The following RASIP1 variants were observed in gnomAD, a reference collection of about 807,000 sequenced individuals.
RASIP1 encodes ras-interacting protein 1.
A neutral mutation model predicts 85.3 loss-of-function variants in RASIP1; 20 were observed. The ratio of observed to expected loss-of-function variants is 0.23; its 90% CI spans 0.17 to 0.34. The LOEUF is 0.34. Ranked by LOEUF, RASIP1 falls within the 10% of genes least tolerant of loss-of-function variation. RASIP1 has a pLI of 1.00. For synonymous variants in RASIP1, 617 were observed against 647.1 expected, an observed-to-expected ratio of 0.95 and a Z score of 0.71; for missense variants, 1,170 against 1,390.9, an observed-to-expected ratio of 0.84 and a Z score of 2.53.
intron 4 of RASIP1, among the ~76,000 whole-genome samples, 193 bp from the exon 5 acceptor site, chr19:48,729,783 C>T (rs1230826538): frequency 7.3e-6 from 1 of 136,796 alleles, no homozygotes; most frequent in African/African-American, 2.8e-5. Flanking sequence ...GGCACGATCT[C>T]GGCTCACTGC....
intron 10 of RASIP1, among the ~76,000 whole-genome samples, chr19:48,723,971 C>T (rs967891900): frequency 6.6e-6 from 1 of 152,114 alleles, no homozygotes; most frequent in African/African-American, 2.4e-5. Flanking sequence ...TCAAGCCTGG[C>T]TAATTTTTGT....
At chr19:48,722,746 G>A (rs1307405683) in intron 10 of RASIP1, among the ~76,000 whole-genome samples, 1 of 152,076 alleles carries the variant, frequency 6.6e-6, no homozygotes, top group Admixed American at 6.6e-5. Flanking sequence ...TTACCTTCCG[G>A]CAGGTCACCG....
In RASIP1 at chr19:48,739,442, C is replaced by T. The variant is rs765029522; in HGVS notation, c.341G>A (p.Gly114Asp). The change falls in exon 3 of 12, where the codon GGC becomes GAC. Residue 114 changes from glycine to aspartate, a missense_variant. Physicochemically the swap from Gly to Asp is moderately conservative, Grantham distance 94. Coordinates refer to ENST00000222145, the MANE Select transcript of RASIP1 (RefSeq NM_017805.3). This position sits in a 1 kb window ranked among gnomAD's most constrained non-coding sequence, Gnocchi z 9.2. ...CTTCTCGCTGGCCCAGCGCTGCGCG[C>T]CCCCCGGGGTCCCAGGGCCTCCTGC... The part of the protein sequence containing the change: ...SGAGGPGTPG[G>D]AQRWASEKKL... The T allele has an allele frequency of 2.1e-6, 3 of 1,449,310 alleles. No individual in the cohort carries two copies. Among genetic ancestry groups the T allele is most frequent in the South Asian group, 1.3e-5 (1 of 75,396 alleles). The allele number at this position is 1,449,310 out of a possible 1,614,324, so 89.8% of individuals were successfully genotyped here.
At chr19:48,721,269 G>A (rs2033233277) in intron 11 of RASIP1, among the ~76,000 whole-genome samples, 1 of 152,066 alleles carries the variant, frequency 6.6e-6, no homozygotes, top group Non-Finnish European at 1.5e-5. Context: ...CCTAAAGGTG[G>A]AGGAGTCAAG....
Position 48,738,843 on chromosome 19 carries a change from CCG to C in RASIP1, c.823+115_823+116del. ...CGTCCAGTCCCCTCCCAGTCCCCTC[CCG>C]CGGGCCCCGCCCCCAGCCAGCCCGC... is the stretch of plus-strand genomic sequence containing the variant. On this transcript the variant is annotated intron_variant, in intron 3 of 11. Transcript: ENST00000222145. The surrounding 1 kb of genome is among the most constrained non-coding windows in gnomAD (Gnocchi z 4.0). 9.0e-7 allele frequency: 1 copy of C among 1,107,384 alleles called. No individual in the cohort carries two copies. Among genetic ancestry groups the C allele is most frequent in the Non-Finnish European group, 1.1e-6 (1 of 896,000 alleles). The allele number at this position is 1,107,384 out of a possible 1,614,324, so 68.6% of individuals were successfully genotyped here.
chr19:48,737,582 C>T (rs2033595972), intron 3 of RASIP1: 1 of 985,336 alleles, frequency 1.0e-6, no homozygotes, highest in South Asian at 4.7e-5. Flanking sequence ...CTCAGCGGCT[C>T]CGCCCATCTT....
intron 3 of RASIP1, chr19:48,737,761 G>C (rs2033599584): frequency 1.0e-6 from 1 of 984,548 alleles, no homozygotes; most frequent in African/African-American, 1.8e-5. Flanking sequence ...CTCCTCGCGG[G>C]ACCCAACAGT....
chr19:48,728,627 G>A (rs1419072660), intron 5 of RASIP1, among the ~76,000 whole-genome samples: 1 of 152,140 alleles, frequency 6.6e-6, no homozygotes, highest in Non-Finnish European at 1.5e-5. Context: ...AGCCGGGCGT[G>A]CTGGCAGGCG....
chr19:48,732,895 CCTT>C (rs2033489635), intron 4 of RASIP1, among the ~76,000 whole-genome samples: 1 of 152,170 alleles, frequency 6.6e-6, no homozygotes, highest in African/African-American at 2.4e-5. Flanking sequence ...AGCTACACCA[CCTT>C]CTTTTTGTTT....
intron 4 of RASIP1, among the ~76,000 whole-genome samples, chr19:48,730,399 T>G (rs553800561): frequency 6.6e-6 from 1 of 152,142 alleles, no homozygotes; most frequent in East Asian, 1.9e-4. Context: ...CTTGACCTTG[T>G]GATCCGCCTG....
At chr19:48,735,140 C>T (rs2033546015) in intron 4 of RASIP1, 56 bp downstream of exon 4, 2 of 1,476,260 alleles carry the variant, frequency 1.4e-6, no homozygotes, top group Non-Finnish European at 1.8e-6. Flanking sequence ...TTGTTGCTCA[C>T]CCACCAACAG....
chr19:48,734,521 T>C (rs1434444827), intron 4 of RASIP1, among the ~76,000 whole-genome samples: 9 of 145,142 alleles, frequency 6.2e-5, no homozygotes, highest in African/African-American at 2.1e-4. Context: ...AGAGTCTTGC[T>C]CTGTCTCCCT....
chr19:48,721,417 A>C (rs1277902911), intron 11 of RASIP1, among the ~76,000 whole-genome samples: 1 of 151,738 alleles, frequency 6.6e-6, no homozygotes, highest in Non-Finnish European at 1.5e-5. Flanking sequence ...TGACGGGGGA[A>C]GGGGCTGGGT....
chr19:48,723,278 G>C (rs2033282424), intron 10 of RASIP1, among the ~76,000 whole-genome samples: 1 of 152,110 alleles, frequency 6.6e-6, no homozygotes, highest in Non-Finnish European at 1.5e-5. Context: ...AATTGAAATT[G>C]GCCGGCCATG....
At position 48,729,563 on chromosome 19, in the gene RASIP1, C is replaced by T. The variant is rs1270904619; in HGVS notation, c.1207G>A (p.Glu403Lys). Residue 403 changes from glutamate to lysine, a missense_variant, in exon 5 of 12, where the codon GAG (glutamate) becomes AAG (lysine). Physicochemically the swap from Glu to Lys is moderately conservative, Grantham distance 56. Coordinates refer to ENST00000222145, the MANE Select transcript of RASIP1 (RefSeq NM_017805.3). ...CCACCTCGCCCAAACACGTGCTGCT[C>T]TCGCGTCATCACATACACCACAAAG... ...QDFVVYVMTR[E>K]QHVFGRGGNS... 6.2e-7 allele frequency: 1 copy of T among 1,601,344 alleles called. No individual in the cohort carries two copies. Among genetic ancestry groups the T allele is most frequent in the Admixed American group, 1.7e-5 (1 of 58,624 alleles).
In RASIP1 at chr19:48,724,619, A is replaced by C. The variant is rs1364765210; in HGVS notation, c.2371+98T>G. Reference sequence around the variant, plus strand: ...GGATCTGGAGCTTGTTCTCCAGGGTACCCAAAGGTGAGGCTTGAGCCCGTG... The same window carrying C: ...GGATCTGGAGCTTGTTCTCCAGGGTCCCCAAAGGTGAGGCTTGAGCCCGTG... On this transcript the variant is annotated intron_variant, in intron 9 of 11. Transcript: ENST00000222145. The surrounding 1 kb of genome is among the most constrained non-coding windows in gnomAD (Gnocchi z 4.6). 1 of 1,576,528 alleles carries C rather than the reference A, an allele frequency of 6.3e-7. No homozygotes were observed. The highest frequency in any genetic ancestry group is 2.2e-5 in the East Asian group (1 of 44,528).
chr19:48,722,997 C>T (rs1433202366), intron 10 of RASIP1, among the ~76,000 whole-genome samples: 2 of 152,074 alleles, frequency 1.3e-5, no homozygotes, highest in African/African-American at 4.8e-5. Flanking sequence ...GCAGTCCTTC[C>T]ACCTCTGCTT....
rs1460356570 is a variant in RASIP1, at chr19:48,729,598, G to A, written c.1180-8C>T. The A allele has an allele frequency of 6.3e-7, 1 of 1,584,298 alleles. No individual in the cohort carries two copies. The highest frequency in any genetic ancestry group is 1.8e-5 in the Admixed American group (1 of 56,366). ...CACATACACCACAAAGTCCTGGAGG[G>A]GAAACGAGGATGCACTAAGGACATC... is the stretch of plus-strand genomic sequence containing the variant. On this transcript the variant is annotated splice_polypyrimidine_tract_variant and splice_region_variant and intron_variant, in intron 4 of 11. Transcript: ENST00000222145.
At position 48,738,964 on chromosome 19, in the gene RASIP1, G is replaced by C. The variant is rs1439124156; in HGVS notation, c.819C>G (p.Ser273Arg). 31 of 1,205,414 alleles carry C rather than the reference G, an allele frequency of 2.6e-5. No homozygotes were observed. In the Middle Eastern group the frequency reaches 9.9e-4, roughly 39 times the overall value. 74.7% of individuals were successfully genotyped at this position (1,205,414 alleles called of 1,614,324 possible). A position where few individuals can be genotyped will look rare whatever the true frequency, so the allele number is the denominator to read the frequency against. The change falls in exon 3 of 12, where the codon AGC becomes AGG. Residue 273 changes from serine to arginine, a missense_variant. Around this residue, in one of 4 missense-constraint regions of RASIP1, gnomAD observed 301 missense variants for 294.8 expected, o/e 1.02. Transcript: ENST00000222145. This position sits in a 1 kb window ranked among gnomAD's most constrained non-coding sequence, Gnocchi z 4.0. ...LEQEAFGAAD[S>R]EGTGAPSWRP... ...AGAGCCCCGCCCGCCGCTCACCTTC[G>C]CTGTCCGCGGCCCCGAAGGCCTCCT...
Sources: allele counts gnomAD v4.1 joint callset (sites outside exome capture counted in the v4.1 genomes callset), GRCh38; gene constraint gnomAD v4.1.1; regional missense constraint gnomAD v4.1.1; non-coding constraint Gnocchi (gnomAD v3.1); transcripts MANE v1.5; gene names NCBI Gene and HGNC (gene_info 2026-07-23, HGNC 2026-07-21).